The following SPAG16 variants were observed in gnomAD, a reference collection of about 807,000 sequenced individuals.
SPAG16 encodes sperm associated antigen 16, also known as sperm-associated antigen 16 protein.
SPAG16 carries 86 observed loss-of-function variants against 80.4 expected under a neutral mutation model. The observed-to-expected ratio is 1.07, with a 90% CI of 0.90 to 1.28. SPAG16 has a LOEUF of 1.28. Ranked by LOEUF, SPAG16 falls within the 50% of genes most tolerant of loss-of-function variation. The pLI is 0.00. For synonymous variants in SPAG16, 294 were observed against 265.9 expected, an observed-to-expected ratio of 1.11 and a Z score of -1.03; for missense variants, 870 against 765.3, an observed-to-expected ratio of 1.14 and a Z score of -1.61.
intron 4 of SPAG16, among the ~76,000 whole-genome samples, chr2:213,310,629 A>G (rs998215821): frequency 2.6e-5 from 4 of 151,758 alleles, no homozygotes; most frequent in African/African-American, 7.2e-5. Flanking sequence ...TTCTACTCAC[A>G]TAGCTGATTA....
chr2:213,675,059 T>A (rs1460334483), intron 10 of SPAG16, among the ~76,000 whole-genome samples: 2 of 151,140 alleles, frequency 1.3e-5, no homozygotes, highest in East Asian at 3.8e-4. Context: ...GTTTCCTGAC[T>A]TTTTAATGAT....
chr2:213,702,582 C>G (rs1482788093), intron 10 of SPAG16, among the ~76,000 whole-genome samples: 1 of 152,122 alleles, frequency 6.6e-6, no homozygotes, highest in Non-Finnish European at 1.5e-5. Flanking sequence ...CAGTTCCGGA[C>G]ACAATAATAT....
intron 10 of SPAG16, among the ~76,000 whole-genome samples, chr2:213,512,722 A>C: frequency 6.6e-6 from 1 of 152,180 alleles, no homozygotes; most frequent in East Asian, 1.9e-4. Flanking sequence ...TTCCAAAATA[A>C]GTATCCCCCA....
At chr2:214,407,423 T>G (rs1220516603) in intron 15 of SPAG16, among the ~76,000 whole-genome samples, 1 of 152,140 alleles carries the variant, frequency 6.6e-6, no homozygotes, top group African/African-American at 2.4e-5. Flanking sequence ...CATTATTAGT[T>G]CAGGTTTCAC....
chr2:213,968,270 G>C (rs567419413), intron 12 of SPAG16, among the ~76,000 whole-genome samples: 115 of 152,056 alleles, frequency 7.6e-4, no homozygotes, highest in Non-Finnish European at 9.6e-4. Flanking sequence ...CGCCTCCCAA[G>C]TTCAAGTATT....
chr2:213,503,183 A>AT (rs1469674463), intron 10 of SPAG16, among the ~76,000 whole-genome samples: 3 of 152,144 alleles, frequency 2.0e-5, no homozygotes, highest in Admixed American at 2.0e-4. Flanking sequence ...CCATGAATCA[A>AT]TTTTTTGCCT....
At position 213,587,212 on chromosome 2, in the gene SPAG16, GA is replaced by G. The variant is rs563718727; in HGVS notation, c.1070+97123del. On this transcript the variant is annotated intron_variant, in intron 10 of 15. Transcript: ENST00000331683. ...TTTCTGGGCCCTACATTTCTCCAGGGAGTCCTTCTAAATCTAGATAGAAGCA... is the reference window on the plus strand; with the variant it reads ...TTTCTGGGCCCTACATTTCTCCAGGGGTCCTTCTAAATCTAGATAGAAGCA... Among the ~76,000 whole-genome samples, 5 of 152,268 alleles carry G rather than the reference GA, an allele frequency of 3.3e-5. No individual in the cohort carries two copies. The South Asian group carries it at 1.0e-3, about 32-fold the overall frequency.
At chr2:214,031,348 A>C (rs1316509669) in intron 13 of SPAG16, among the ~76,000 whole-genome samples, 1 of 148,266 alleles carries the variant, frequency 6.7e-6, no homozygotes, top group African/African-American at 2.5e-5. Flanking sequence ...ACAAAAAACC[A>C]AACACCGCAT....
At chr2:213,994,712 A>G (rs1490040224) in intron 12 of SPAG16, among the ~76,000 whole-genome samples, 1 of 151,886 alleles carries the variant, frequency 6.6e-6, no homozygotes, top group East Asian at 1.9e-4. Context: ...TCTATTCTGA[A>G]TTTTATTCTC....
chr2:213,362,607 ATCT>A (rs1288587260), intron 7 of SPAG16, among the ~76,000 whole-genome samples: 1 of 152,172 alleles, frequency 6.6e-6, no homozygotes, highest in African/African-American at 2.4e-5. Context: ...CTCCCCTGTG[ATCT>A]TCTTGCAAAT....
chr2:213,620,894 CAG>C (rs1359572021), intron 10 of SPAG16, among the ~76,000 whole-genome samples: 1 of 152,094 alleles, frequency 6.6e-6, no homozygotes, highest in East Asian at 1.9e-4. Context: ...TGAAACACAT[CAG>C]AGTTTTACAT....
intron 10 of SPAG16, among the ~76,000 whole-genome samples, chr2:213,563,790 CTTA>C (rs1171119009): frequency 1.3e-5 from 2 of 152,150 alleles, no homozygotes; most frequent in African/African-American, 4.8e-5. Flanking sequence ...TTCCTCAGTG[CTTA>C]TTGTTTGCAC....
chr2:214,059,800 G>A (rs2050161676), intron 13 of SPAG16, among the ~76,000 whole-genome samples: 1 of 151,898 alleles, frequency 6.6e-6, no homozygotes, highest in Non-Finnish European at 1.5e-5. Flanking sequence ...TCACACATGG[G>A]GATATTATGG....
Position 213,905,698 on chromosome 2 carries a change from C to G in SPAG16, c.1215-24262C>G, listed in dbSNP as rs751657985. Among the ~76,000 whole-genome samples the G allele has an allele frequency of 7.2e-5, 11 of 152,044 alleles. No homozygotes were observed. The East Asian group carries it at 2.1e-3, about 29-fold the overall frequency. On this transcript the variant is annotated intron_variant, in intron 11 of 15. Coordinates refer to ENST00000331683, the MANE Select transcript of SPAG16 (RefSeq NM_024532.5). Reference sequence around the variant, plus strand: ...GACAATAAATAAGTGCTATATAATTCCTTAGATGGTAGTAAGTACTATGAA... The same window carrying G: ...GACAATAAATAAGTGCTATATAATTGCTTAGATGGTAGTAAGTACTATGAA...
At chr2:214,039,125 T>G (rs1485263944) in intron 13 of SPAG16, among the ~76,000 whole-genome samples, 1 of 152,188 alleles carries the variant, frequency 6.6e-6, no homozygotes, top group Non-Finnish European at 1.5e-5. Context: ...CACACTGACT[T>G]CCACAATGGT....
chr2:213,965,328 C>T (rs1037610864), intron 12 of SPAG16, among the ~76,000 whole-genome samples: 2 of 152,176 alleles, frequency 1.3e-5, no homozygotes, highest in Non-Finnish European at 2.9e-5. Flanking sequence ...AGGATGCAAC[C>T]TCATCGTAAG....
intron 10 of SPAG16, among the ~76,000 whole-genome samples, chr2:213,720,532 G>C (rs1378850315): frequency 6.6e-6 from 1 of 150,714 alleles, no homozygotes; most frequent in Non-Finnish European, 1.5e-5. Context: ...CAGCTACTCC[G>C]AAGGCTGAGG....
intron 10 of SPAG16, among the ~76,000 whole-genome samples, chr2:213,637,201 A>G (rs911730638): frequency 6.6e-6 from 1 of 152,166 alleles, no homozygotes; most frequent in Non-Finnish European, 1.5e-5. Flanking sequence ...TTCTGTATCT[A>G]TTGAGATAAT....
At chr2:213,638,325 T>C (rs1360309221) in intron 10 of SPAG16, among the ~76,000 whole-genome samples, 2 of 152,134 alleles carry the variant, frequency 1.3e-5, no homozygotes, top group Non-Finnish European at 2.9e-5. Context: ...TTCTTTGAGG[T>C]GTAACCTTAG....
Sources: gnomAD v4.1 joint callset for allele counts (sites outside exome capture counted in the v4.1 genomes callset) on GRCh38, gnomAD v4.1.1 for gene constraint, MANE v1.5 for transcripts, NCBI Gene and HGNC (gene_info 2026-07-23, HGNC 2026-07-21) for gene names.